Variants in ALPK2 observed in about 807,000 individuals in gnomAD.
ALPK2 encodes alpha-protein kinase 2.
Under a neutral mutation model 163.1 loss-of-function variants are expected in ALPK2, and 127 were observed. The ratio of observed to expected loss-of-function variants is 0.78; its 90% confidence interval spans 0.67 to 0.90. The LOEUF (loss-of-function observed/expected upper bound fraction) is 0.90. ALPK2 is among the 40% of genes least tolerant of loss of function. The pLI, the probability that ALPK2 is intolerant of heterozygous loss-of-function variation, is 0.00. For missense variants in ALPK2, 2,360 were observed against 2,589.6 expected (o/e 0.91, Z 1.92); for synonymous variants, 953 against 959.1 (o/e 0.99, Z 0.12).
At chr18:58,603,652 AC>A (rs1240594623) in intron 3 of ALPK2, among the ~76,000 whole-genome samples, 3 of 152,258 alleles carry the variant, frequency 2.0e-5, no homozygotes, top group Non-Finnish European at 4.4e-5. Flanking sequence ...GGGTTCCTGG[AC>A]AGATTTTTAT....
At chr18:58,593,326 G>A (rs2052023963) in intron 3 of ALPK2, among the ~76,000 whole-genome samples, 2 of 152,212 alleles carry the variant, frequency 1.3e-5, no homozygotes, top group Admixed American at 6.5e-5. Context: ...AGCACTTTGG[G>A]AGGCCAAGGC....
intron 3 of ALPK2, among the ~76,000 whole-genome samples, chr18:58,599,909 T>G (rs901025527): frequency 6.6e-6 from 1 of 152,126 alleles, no homozygotes; most frequent in Non-Finnish European, 1.5e-5. Context: ...ACCCAGATCT[T>G]TGGACGCTGG....
chr18:58,514,253 G>A (rs1397783369), intron 10 of ALPK2, among the ~76,000 whole-genome samples: 1 of 152,206 alleles, frequency 6.6e-6, no homozygotes, highest in East Asian at 1.9e-4. Flanking sequence ...TTCCCATTTT[G>A]TGAGTTAACA....
At chr18:58,531,345 TG>T (rs1298045168) in intron 5 of ALPK2, among the ~76,000 whole-genome samples, 1 of 151,894 alleles carries the variant, frequency 6.6e-6, no homozygotes, top group East Asian at 1.9e-4. Flanking sequence ...GATAGCAGGG[TG>T]GGTACCAGAC....
At position 58,611,777 on chromosome 18, in the gene ALPK2, G is replaced by C. The variant is rs1445891199; in HGVS notation, c.21C>G (p.Pro7=). 1 of 1,601,942 alleles carries C rather than the reference G, an allele frequency of 6.2e-7. No homozygotes were observed. Among genetic ancestry groups the C allele is most frequent in the South Asian group, 1.1e-5 (1 of 88,822 alleles). The stretch of plus-strand genomic sequence containing the variant: ...ATAAAAAACACAGCGGGGGCCTCTG[G>C]GGCCCTTCGGAGTCTTTCATCCTTT... MKDSEG[P]QRPPLCFLST... Residue 7 remains proline (P), a synonymous_variant, in exon 2 of 13, where the codon CCC becomes CCG. Coordinates refer to ENST00000361673, the MANE Select transcript of ALPK2 (RefSeq NM_052947.4).
At chr18:58,493,378 G>A (rs755315949) in intron 12 of ALPK2, among the ~76,000 whole-genome samples, 2 of 152,046 alleles carry the variant, frequency 1.3e-5, no homozygotes, top group Non-Finnish European at 1.5e-5. Context: ...GCCTATTCTC[G>A]GGGCGTGTTT....
intron 3 of ALPK2, among the ~76,000 whole-genome samples, chr18:58,600,874 G>A (rs1318967886): frequency 1.3e-5 from 2 of 152,212 alleles, no homozygotes; most frequent in Non-Finnish European, 2.9e-5. Flanking sequence ...TGGACTGTGA[G>A]TGGGATCATA....
At position 58,596,076 on chromosome 18, in the gene ALPK2, C is replaced by T. The variant is rs564157802; in HGVS notation, c.227+11246G>A. Among the ~76,000 whole-genome samples the T allele has an allele frequency of 3.9e-5, 6 of 152,318 alleles. No individual in the cohort carries two copies. In the South Asian group the frequency reaches 1.2e-3, roughly 32 times the overall value. ...TACTCAATGACTGGCAAGCTGCCCCCGCATGCACTGTGTGGCTGTTAAGAG... is the reference window on the plus strand; with the variant it reads ...TACTCAATGACTGGCAAGCTGCCCCTGCATGCACTGTGTGGCTGTTAAGAG... On this transcript the variant is annotated intron_variant, in intron 3 of 12. Transcript: ENST00000361673.
chr18:58,527,327 G>A (rs2051589643), intron 6 of ALPK2, among the ~76,000 whole-genome samples: 1 of 152,196 alleles, frequency 6.6e-6, no homozygotes, highest in Non-Finnish European at 1.5e-5. Flanking sequence ...ATAAACAAAT[G>A]AATTATAACT....
chr18:58,534,846 T>G lies in ALPK2; in HGVS notation c.5341A>C (p.Arg1781=), dbSNP rs775508350. 6.8e-6 allele frequency: 11 copies of G among 1,608,712 alleles called. No homozygotes were observed. Among genetic ancestry groups the G allele is most frequent in the Non-Finnish European group, 9.3e-6 (11 of 1,178,128 alleles). Residue 1781 remains arginine (R), a synonymous_variant, in exon 5 of 13, where the codon AGA becomes CGA. Coordinates refer to ENST00000361673, the MANE Select transcript of ALPK2 (RefSeq NM_052947.4). ...KQDPKKPSCK[R]EGRAPVLLKK... ...AACAGAACCTCACCTCTTCCTTCTC[T>G]TTTGCAAGATGGCTTTTTTGGGTCT...
At position 58,535,530 on chromosome 18, in the gene ALPK2, G is replaced by A; in HGVS notation, c.4657C>T (p.Leu1553Phe). The A allele has an allele frequency of 6.2e-7, 1 of 1,614,172 alleles. No individual in the cohort carries two copies. ...GTGGAGTTGTGCGTGTCAACCCCAA[G>A]AGAAGCGTGAGTCATTATTGGAAGA... ...SCLPIMTHAS[L>F]GVDTHNSTGQ... is the part of the protein sequence containing the mutation. Residue 1553 changes from leucine to phenylalanine, a missense_variant, in exon 5 of 13, where the codon CTT (leucine) becomes TTT (phenylalanine). Transcript: ENST00000361673.
intron 12 of ALPK2, among the ~76,000 whole-genome samples, chr18:58,484,829 A>G (rs1012509310): frequency 6.6e-6 from 1 of 152,234 alleles, no homozygotes; most frequent in Non-Finnish European, 1.5e-5. Flanking sequence ...CATGTAGCTC[A>G]GGGCATAACA....
At chr18:58,586,119 G>A (rs560659200) in intron 3 of ALPK2, among the ~76,000 whole-genome samples, 63 of 152,134 alleles carry the variant, frequency 4.1e-4, no homozygotes, top group African/African-American at 8.0e-4. Flanking sequence ...TTAAAACCAC[G>A]TTGTTTAATA....
At chr18:58,513,127 G>C (rs2051502710) in intron 10 of ALPK2, among the ~76,000 whole-genome samples, 1 of 148,572 alleles carries the variant, frequency 6.7e-6, no homozygotes, top group Non-Finnish European at 1.5e-5. Flanking sequence ...GTGTGTGTTT[G>C]TATGTAATCT....
chr18:58,544,191 T>C (rs1347481906), intron 4 of ALPK2: 2 of 152,222 alleles, frequency 1.3e-5, no homozygotes, highest in Admixed American at 1.3e-4. Flanking sequence ...AAGCCTCTTT[T>C]TGAAAGCAGC....
At chr18:58,594,639 G>A (rs188173751) in intron 3 of ALPK2, among the ~76,000 whole-genome samples, 1 of 152,104 alleles carries the variant, frequency 6.6e-6, no homozygotes, top group African/African-American at 2.4e-5. Flanking sequence ...CACCCAGCAC[G>A]CCCCAAGCCA....
rs771913135 is a variant in ALPK2 at position 58,481,615 on chromosome 18, C to T, written c.*208G>A. 1.9e-5 allele frequency: 11 copies of T among 590,128 alleles called. No homozygotes were observed. Among genetic ancestry groups the T allele is most frequent in the Non-Finnish European group, 3.4e-5 (11 of 328,128 alleles). 36.6% of individuals were successfully genotyped at this position (590,128 alleles called of 1,614,324 possible). A position where few individuals can be genotyped will look rare whatever the true frequency, so the allele number is the denominator to read the frequency against. On this transcript the variant is annotated 3_prime_UTR_variant, in exon 13 of 13. Transcript: ENST00000361673. ...GAGACCAATCGTTGATTCAATCTCCCCATAAACCTGGTCGCAAATCCTGTT... is the reference window on the plus strand; with the variant it reads ...GAGACCAATCGTTGATTCAATCTCCTCATAAACCTGGTCGCAAATCCTGTT...
intron 4 of ALPK2, chr18:58,578,560 A>C: frequency 2.9e-6 from 1 of 349,362 alleles, no homozygotes; most frequent in South Asian, 7.8e-5. Context: ...CTTAACTTCT[A>C]TCAGTCTTTT....
chr18:58,611,378 A>T (rs2052130307), intron 2 of ALPK2, among the ~76,000 whole-genome samples: 1 of 152,190 alleles, frequency 6.6e-6, no homozygotes, highest in Non-Finnish European at 1.5e-5. Context: ...ATGAATTTAA[A>T]CTATGGTTAA....
Sources: allele counts gnomAD v4.1 joint callset (sites outside exome capture counted in the v4.1 genomes callset), GRCh38; gene constraint gnomAD v4.1.1; transcripts MANE v1.5; gene names NCBI Gene and HGNC (gene_info 2026-07-23, HGNC 2026-07-21).